Variants in DNAJC10 observed in about 807,000 individuals in gnomAD.
DNAJC10 encodes DnaJ heat shock protein family (Hsp40) member C10.
Under a neutral mutation model 115.0 loss-of-function variants are expected in DNAJC10, and 101 were observed. The observed-to-expected ratio is 0.88, with a 90% CI of 0.75 to 1.04. DNAJC10 has a LOEUF of 1.04. Ranked by LOEUF, DNAJC10 falls within the 50% of genes least tolerant of loss-of-function variation. The pLI is 0.00. For synonymous variants in DNAJC10, 307 were observed against 301.5 expected (o/e 1.02, Z -0.19); for missense variants, 981 against 928.8 (o/e 1.06, Z -0.73).
At chr2:182,769,391 G>A (rs1694501064) in intron 22 of DNAJC10, among the ~76,000 whole-genome samples, 1 of 152,156 alleles carries the variant, frequency 6.6e-6, no homozygotes, top group Admixed American at 6.5e-5. Flanking sequence ...GATCCTTGAG[G>A]AATCGCCACA....
In DNAJC10 at chr2:182,757,572, T is replaced by C. The variant is rs565549100; in HGVS notation, c.1810-120T>C. Reference sequence around the variant, plus strand: ...TATGTTAAACCCTTATCCATTTTTATTGGGTAAAAGTCACTGATAAATAAT... The same window carrying C: ...TATGTTAAACCCTTATCCATTTTTACTGGGTAAAAGTCACTGATAAATAAT... On this transcript the variant is annotated intron_variant, in intron 18 of 23. Coordinates refer to ENST00000264065, the MANE Select transcript of DNAJC10 (RefSeq NM_018981.4). 2.1e-5 allele frequency: 15 copies of C among 713,940 alleles called. No individual in the cohort carries two copies. The East Asian group carries it at 3.8e-4, about 18-fold the overall frequency. The allele number at this position is 713,940 out of a possible 1,614,324, so 44.2% of individuals were successfully genotyped here. A position where few individuals can be genotyped will look rare whatever the true frequency, so the allele number is the denominator to read the frequency against.
intron 12 of DNAJC10, among the ~76,000 whole-genome samples, chr2:182,740,684 T>C (rs1693710966): frequency 6.6e-6 from 1 of 152,186 alleles, no homozygotes; most frequent in South Asian, 2.1e-4. Context: ...TTCATAACTT[T>C]TTGTTCTTGC....
At chr2:182,762,896 C>A (rs1694320990) in intron 22 of DNAJC10, 95 bp downstream of exon 22, 1 of 1,326,690 alleles carries the variant, frequency 7.5e-7, no homozygotes, top group Non-Finnish European at 1.0e-6. Flanking sequence ...TTTTCTCATC[C>A]TTGTCATTTT....
intron 22 of DNAJC10, among the ~76,000 whole-genome samples, chr2:182,766,864 C>A (rs1482454875): frequency 6.6e-6 from 1 of 152,020 alleles, no homozygotes; most frequent in Non-Finnish European, 1.5e-5. Flanking sequence ...ATGGGAGGTG[C>A]TGTTGCCTGA....
chr2:182,730,647 C>G (rs914110972), intron 8 of DNAJC10: 1 of 412,550 alleles, frequency 2.4e-6, no homozygotes, highest in Non-Finnish European at 4.7e-6. Context: ...GAATAGGAAG[C>G]CTTAGGAGAT....
Position 182,741,319 on chromosome 2 carries a change from A to G in DNAJC10, c.1154A>G (p.Lys385Arg). 2 of 1,591,684 alleles carry G rather than the reference A, an allele frequency of 1.3e-6. No homozygotes were observed. The highest frequency in any genetic ancestry group is 1.1e-5 in the South Asian group (1 of 87,294). ...GAAAATTCAAATGATCCTGAGCTGAAAAAACTAAAAACTCTACTTAAAAAT... is the reference window on the plus strand; with the variant it reads ...GAAAATTCAAATGATCCTGAGCTGAGAAAACTAAAAACTCTACTTAAAAAT... ...KNENSNDPEL[K>R]KLKTLLKNDH... Residue 385 changes from lysine (K) to arginine (R), a missense_variant, in exon 13 of 24, where the codon AAA (lysine) becomes AGA (arginine). By Grantham distance (26) the Lys-to-Arg change is conservative. Transcript: ENST00000264065.
intron 14 of DNAJC10, among the ~76,000 whole-genome samples, chr2:182,744,984 GTAT>G (rs1274460228): frequency 1.3e-5 from 2 of 152,076 alleles, no homozygotes; most frequent in African/African-American, 4.8e-5. Context: ...ATCTATGATA[GTAT>G]TATCCTCTGG....
At chr2:182,723,581 T>C (rs1176307191) in intron 5 of DNAJC10, among the ~76,000 whole-genome samples, 1 of 152,170 alleles carries the variant, frequency 6.6e-6, no homozygotes, top group Non-Finnish European at 1.5e-5. Context: ...CTCGTGTGAG[T>C]TATATAAACC....
intron 5 of DNAJC10, among the ~76,000 whole-genome samples, chr2:182,722,863 C>G (rs1479781171): frequency 6.6e-6 from 1 of 151,942 alleles, no homozygotes; most frequent in Non-Finnish European, 1.5e-5. Context: ...TCGCGTGAAT[C>G]TGGGAGGCTG....
intron 17 of DNAJC10, 22 bp downstream of exon 17, chr2:182,755,126 G>T: frequency 7.0e-7 from 1 of 1,430,062 alleles, no homozygotes; most frequent in Non-Finnish European, 9.9e-7. Flanking sequence ...TATAGACTAT[G>T]TGACTAGAAA....
Position 182,780,979 on chromosome 2 carries a change from T to TAGCAA in DNAJC10, c.*3847_*3848insAGCAA, listed in dbSNP as rs1694831939. On this transcript the variant is annotated 3_prime_UTR_variant, in exon 24 of 24. Transcript: ENST00000264065. ...TCATTAAGCAACTGCTGTTTTTTTT[T>TAGCAA]TTTAATACTTCAAGTTCTGCAATAC... The TAGCAA allele has an allele frequency of 6.6e-6, 1 of 152,126 alleles. No homozygotes were observed. Among genetic ancestry groups the TAGCAA allele is most frequent in the Non-Finnish European group, 1.5e-5 (1 of 68,006 alleles). 9.4% of individuals were successfully genotyped at this position (152,126 alleles called of 1,614,324 possible).
rs1028737736 is a variant in DNAJC10, at chr2:182,787,920, C to T, written c.*10788C>T. The T allele has an allele frequency of 6.6e-6, 1 of 151,980 alleles. No homozygotes were observed. The highest frequency in any genetic ancestry group is 1.5e-5 in the Non-Finnish European group (1 of 68,046). The allele number at this position is 151,980 out of a possible 1,614,324, so 9.4% of individuals were successfully genotyped here. A position where few individuals can be genotyped will look rare whatever the true frequency, so the allele number is the denominator to read the frequency against. On this transcript the variant is annotated 3_prime_UTR_variant, in exon 24 of 24. Coordinates refer to ENST00000264065, the MANE Select transcript of DNAJC10 (RefSeq NM_018981.4). ...TGGGAGGCAGAGGAAGACCCCGTCT[C>T]AAAAAACAAAAGGTAAAGAATGATT...
chr2:182,777,228 G>C lies in DNAJC10; in HGVS notation c.*96G>C, dbSNP rs1215119416. 2 of 753,580 alleles carry C rather than the reference G, an allele frequency of 2.7e-6. No homozygotes were observed. Among genetic ancestry groups the C allele is most frequent in the Non-Finnish European group, 4.0e-6 (2 of 504,456 alleles). 46.7% of individuals were successfully genotyped at this position (753,580 alleles called of 1,614,324 possible). On this transcript the variant is annotated 3_prime_UTR_variant, in exon 24 of 24. Transcript: ENST00000264065. ...TGTTACATTTATGATGGGAATGAAT[G>C]AACATTATCTTAGACTTGCAGTTGT...
rs556198748 is a variant in DNAJC10, at chr2:182,739,879, A to G, written c.988-420A>G. The G allele has an allele frequency of 2.0e-4, 198 of 986,916 alleles. 1 individual carries two copies. The African/African-American group carries it at 3.2e-3, about 16-fold the overall frequency. 61.1% of individuals were successfully genotyped at this position (986,916 alleles called of 1,614,324 possible). A position where few individuals can be genotyped will look rare whatever the true frequency, so the allele number is the denominator to read the frequency against. On this transcript the variant is annotated intron_variant, in intron 11 of 23. Coordinates refer to ENST00000264065, the MANE Select transcript of DNAJC10 (RefSeq NM_018981.4). ...TTGATAGTCTATTATTCTTCCTTCT[A>G]GTGTTATAAAAATTCTTAAGTGAAT...
rs1296378412 is a variant in DNAJC10 at position 182,791,955 on chromosome 2, A to T, written c.*14823A>T. On this transcript the variant is annotated 3_prime_UTR_variant, in exon 24 of 24. Transcript: ENST00000264065. ...AGATACACATTTTAAATTTAACTCT[A>T]AACAATGCAATAATCTAGAGAATCA... is the stretch of plus-strand genomic sequence containing the variant. 1 of 152,140 alleles carries T rather than the reference A, an allele frequency of 6.6e-6. No individual in the cohort carries two copies. Among genetic ancestry groups the T allele is most frequent in the South Asian group, 2.1e-4 (1 of 4,832 alleles). The allele number at this position is 152,140 out of a possible 1,614,324, so 9.4% of individuals were successfully genotyped here. A position where few individuals can be genotyped will look rare whatever the true frequency, so the allele number is the denominator to read the frequency against.
intron 17 of DNAJC10, among the ~76,000 whole-genome samples, chr2:182,755,333 A>C (rs1264772165): frequency 1.3e-5 from 2 of 152,116 alleles, no homozygotes; most frequent in African/African-American, 4.8e-5. Context: ...AGTGCCTTAT[A>C]AACAATGGAC....
chr2:182,769,862 G>A (rs1694514471), intron 22 of DNAJC10, among the ~76,000 whole-genome samples: 1 of 152,128 alleles, frequency 6.6e-6, no homozygotes, highest in East Asian at 1.9e-4. Context: ...TGTTGCCATT[G>A]CTTTTGGTGT....
rs557761501 is a variant in DNAJC10, at chr2:182,729,776, CTT to C, written c.634-70_634-69del. The C allele has an allele frequency of 2.1e-4, 202 of 967,722 alleles. 1 individual carries two copies. In the African/African-American group the frequency reaches 2.6e-3, roughly 13 times the overall value. The allele number at this position is 967,722 out of a possible 1,614,324, so 59.9% of individuals were successfully genotyped here. On this transcript the variant is annotated intron_variant, in intron 7 of 23. Transcript: ENST00000264065. ...TTCAAGATAATGTAAAAATCAAACT[CTT>C]TGGTATTATTTTTATTGAGTTTTAA...
In DNAJC10 at chr2:182,778,361, T is replaced by C. The variant is rs1426983620; in HGVS notation, c.*1229T>C. 6.6e-6 allele frequency: 1 copy of C among 152,154 alleles called. No individual in the cohort carries two copies. Among genetic ancestry groups the C allele is most frequent in the Non-Finnish European group, 1.5e-5 (1 of 68,016 alleles). 9.4% of individuals were successfully genotyped at this position (152,154 alleles called of 1,614,324 possible). ...CAAGTATATAAATCTAGGAAAGGGATCTTCTAGTTTCTGTGTTGTTTAGAC... is the reference window on the plus strand; with the variant it reads ...CAAGTATATAAATCTAGGAAAGGGACCTTCTAGTTTCTGTGTTGTTTAGAC... On this transcript the variant is annotated 3_prime_UTR_variant, in exon 24 of 24. Transcript: ENST00000264065.
Sources: gnomAD v4.1 joint callset for allele counts (sites outside exome capture counted in the v4.1 genomes callset) on GRCh38, gnomAD v4.1.1 for gene constraint, MANE v1.5 for transcripts, NCBI Gene and HGNC (gene_info 2026-07-23, HGNC 2026-07-21) for gene names.